BAALC: variants seen among roughly 807,000 people sequenced by gnomAD.
The protein encoded by BAALC is BAALC binder of MAP3K1 and KLF4, also known as brain and acute leukemia cytoplasmic protein.
BAALC carries 9 observed loss-of-function variants against 15.5 expected under a neutral mutation model. The ratio of observed to expected loss-of-function variants is 0.58; its 90% CI spans 0.35 to 1.02. BAALC has a LOEUF of 1.02. Ranked by LOEUF, BAALC falls within the 50% of genes least tolerant of loss-of-function variation. BAALC has a pLI of 0.02. For synonymous variants in BAALC, 80 were observed against 74.6 expected (o/e 1.07, Z -0.37); for missense variants, 201 against 192.4 (o/e 1.04, Z -0.27).
intron 1 of BAALC, among the ~76,000 whole-genome samples, chr8:103,194,565 A>G (rs1812047648): frequency 6.6e-6 from 1 of 152,216 alleles, no homozygotes; most frequent in South Asian, 2.1e-4. Context: ...CTTAGTGAGA[A>G]TCATAGTATA....
rs1423406546 is a variant in BAALC at position 103,229,776 on chromosome 8, T to C, written c.*1677T>C. On this transcript the variant is annotated 3_prime_UTR_variant, in exon 3 of 3. Coordinates refer to ENST00000309982, the MANE Select transcript of BAALC (RefSeq NM_024812.3). Reference sequence around the variant, plus strand: ...ACCATACACGCAACTATAGTTTTTCTAAACCTTCATCATTTTGTGATTCTT... The same window carrying C: ...ACCATACACGCAACTATAGTTTTTCCAAACCTTCATCATTTTGTGATTCTT... 2 of 152,236 alleles carry C rather than the reference T, an allele frequency of 1.3e-5. No homozygotes were observed. The highest frequency in any genetic ancestry group is 4.8e-5 in the African/African-American group (2 of 41,460). The allele number at this position is 152,236 out of a possible 1,614,324, so 9.4% of individuals were successfully genotyped here.
chr8:103,159,041 T>C (rs1811163770), intron 1 of BAALC, among the ~76,000 whole-genome samples: 1 of 152,152 alleles, frequency 6.6e-6, no homozygotes, highest in Non-Finnish European at 1.5e-5. Context: ...CATACAAAAT[T>C]TTGTCAATTT....
At chr8:103,166,809 T>A (rs1209129109) in intron 1 of BAALC, among the ~76,000 whole-genome samples, 4 of 152,218 alleles carry the variant, frequency 2.6e-5, no homozygotes, top group African/African-American at 9.6e-5. Context: ...TCTTTGTGTA[T>A]AATGCTAAAT....
intron 1 of BAALC, among the ~76,000 whole-genome samples, chr8:103,176,138 G>A (rs906543272): frequency 6.6e-6 from 1 of 152,110 alleles, no homozygotes; most frequent in Non-Finnish European, 1.5e-5. Flanking sequence ...GTGTGTGCAC[G>A]CTGATCAAGG....
chr8:103,175,291 A>T (rs1811583393), intron 1 of BAALC, among the ~76,000 whole-genome samples: 2 of 152,216 alleles, frequency 1.3e-5, no homozygotes, highest in Non-Finnish European at 2.9e-5. Context: ...CTACAACAAA[A>T]GGCAATATTG....
intron 1 of BAALC, among the ~76,000 whole-genome samples, chr8:103,199,441 T>A (rs1812164874): frequency 6.6e-6 from 1 of 152,180 alleles, no homozygotes; most frequent in African/African-American, 2.4e-5. Context: ...TACAGATACA[T>A]AAAGGGTTCA....
At chr8:103,189,929 G>A (rs1264990847) in intron 1 of BAALC, among the ~76,000 whole-genome samples, 1 of 152,226 alleles carries the variant, frequency 6.6e-6, no homozygotes, top group African/African-American at 2.4e-5. Flanking sequence ...TGGAGTCAAG[G>A]AGGCCAGCTG....
At chr8:103,166,113 C>G (rs1586389596) in intron 1 of BAALC, 1 of 152,614 alleles carries the variant, frequency 6.6e-6, no homozygotes, top group South Asian at 2.1e-4. Flanking sequence ...ACGGTCAGCG[C>G]AGGATGAGGA....
chr8:103,227,982 T>C lies in BAALC; in HGVS notation c.328-7T>C. The C allele has an allele frequency of 1.2e-6, 2 of 1,600,426 alleles. No homozygotes were observed. Among genetic ancestry groups the C allele is most frequent in the Non-Finnish European group, 1.7e-6 (2 of 1,168,548 alleles). ...AGTAACTCAATTCACTGTTTTCAACTTAACAGGCTAAAAGAGATGCTAAGA... is the reference window on the plus strand; with the variant it reads ...AGTAACTCAATTCACTGTTTTCAACCTAACAGGCTAAAAGAGATGCTAAGA... On this transcript the variant is annotated splice_polypyrimidine_tract_variant and splice_region_variant and intron_variant, in intron 2 of 2. Coordinates refer to ENST00000309982, the MANE Select transcript of BAALC (RefSeq NM_024812.3).
chr8:103,154,974 G>C (rs1811059607), intron 1 of BAALC, among the ~76,000 whole-genome samples: 1 of 150,936 alleles, frequency 6.6e-6, no homozygotes. Flanking sequence ...AAACCTCCAT[G>C]TACCCATCAT....
rs190362122 is a variant in BAALC, at chr8:103,172,334, T to C, written c.160+31277T>C. 3.8e-3 allele frequency among the ~76,000 whole-genome samples: 577 copies of C among 152,116 alleles called. 6 individuals carry two copies. Among genetic ancestry groups the C allele is most frequent in the African/African-American group, 0.013 (547 of 41,494 alleles). On this transcript the variant is annotated intron_variant, in intron 1 of 2. Transcript: ENST00000309982. ...CCTATCCAAGAAAGCATCTTTTGCT[T>C]TAGGAAGGCAATAGAAGGTCATTAG...
rs536682802 is a variant in BAALC, at chr8:103,195,333, T to G, written c.161-17586T>G. ...CAGCGTGATCTTTACCAAGCTGAGG[T>G]TGGAGAACTGCTTTTGCTACAGGGC... On this transcript the variant is annotated intron_variant, in intron 1 of 2. Coordinates refer to ENST00000309982, the MANE Select transcript of BAALC (RefSeq NM_024812.3). Among the ~76,000 whole-genome samples the G allele has an allele frequency of 3.3e-5, 5 of 152,284 alleles. No homozygotes were observed. In the East Asian group the frequency reaches 9.6e-4, roughly 29 times the overall value.
chr8:103,227,434 G>A (rs1182134966), intron 2 of BAALC, among the ~76,000 whole-genome samples: 6 of 152,050 alleles, frequency 3.9e-5, no homozygotes, highest in Non-Finnish European at 7.4e-5. Flanking sequence ...ATTCCTTGTG[G>A]GCCCTAAGAT....
intron 1 of BAALC, among the ~76,000 whole-genome samples, chr8:103,186,574 G>A (rs1477077049): frequency 6.6e-6 from 1 of 152,042 alleles, no homozygotes; most frequent in African/African-American, 2.4e-5. Context: ...ACGATTTTTT[G>A]TCTGTCTCAA....
At chr8:103,200,997 A>T (rs541542747) in intron 1 of BAALC, among the ~76,000 whole-genome samples, 13 of 152,262 alleles carry the variant, frequency 8.5e-5, no homozygotes, top group Non-Finnish European at 1.3e-4. Flanking sequence ...TAAGAAAAAG[A>T]GTCTAAAGTG....
intron 2 of BAALC, among the ~76,000 whole-genome samples, chr8:103,224,709 G>A (rs977816495): frequency 6.6e-6 from 1 of 152,108 alleles, no homozygotes; most frequent in Admixed American, 6.5e-5. Flanking sequence ...AAGGGGAAAG[G>A]GGATTCTCTA....
chr8:103,170,691 G>A (rs148553120), intron 1 of BAALC, among the ~76,000 whole-genome samples: 2 of 152,310 alleles, frequency 1.3e-5, no homozygotes, highest in East Asian at 3.9e-4. Context: ...TCCCAGAACT[G>A]TGAGACAGTA....
intron 2 of BAALC, among the ~76,000 whole-genome samples, chr8:103,225,066 C>T (rs1314684776): frequency 6.6e-6 from 1 of 152,194 alleles, no homozygotes; most frequent in Non-Finnish European, 1.5e-5. Context: ...CAGTTCTCTG[C>T]TTTTGGGGAA....
intron 2 of BAALC, among the ~76,000 whole-genome samples, chr8:103,217,779 G>A (rs1171424703): frequency 6.6e-6 from 1 of 152,136 alleles, no homozygotes; most frequent in Non-Finnish European, 1.5e-5. Context: ...GCGAGGCCTG[G>A]AAAATTTTTT....
Sources: gnomAD v4.1 joint callset for allele counts (sites outside exome capture counted in the v4.1 genomes callset) on GRCh38, gnomAD v4.1.1 for gene constraint, MANE v1.5 for transcripts, NCBI Gene and HGNC (gene_info 2026-07-23, HGNC 2026-07-21) for gene names.